IFT80: variants seen among roughly 807,000 people sequenced by gnomAD.
The protein encoded by IFT80 is intraflagellar transport protein 80 homolog.
IFT80 carries 79 observed loss-of-function variants against 107.9 expected under a neutral mutation model. The observed-to-expected ratio is 0.73, with a 90% confidence interval of 0.61 to 0.88. The LOEUF (loss-of-function observed/expected upper bound fraction) is 0.88, where lower values mean the gene tolerates loss of function less well. Ranked by LOEUF, IFT80 falls within the 40% of genes least tolerant of loss-of-function variation. IFT80 has a pLI of 0.00. For missense variants in IFT80, 797 were observed against 914.2 expected (o/e 0.87, Z 1.65); for synonymous variants, 299 against 300.9 (o/e 0.99, Z 0.07).
chr3:160,368,707 C>A (rs550139446), intron 5 of IFT80, among the ~76,000 whole-genome samples: 1 of 151,864 alleles, frequency 6.6e-6, no homozygotes, highest in African/African-American at 2.4e-5. Flanking sequence ...AAAGGAGTGA[C>A]AGGGACTTAC....
At chr3:160,342,960 C>T (rs6792612) in intron 8 of IFT80, 80,089 of 155,266 alleles carry the variant, frequency 0.52, 21,259 homozygotes, top group African/African-American at 0.55. Flanking sequence ...AGCAATCTTC[C>T]TGCTAAGGCC....
In IFT80 at chr3:160,306,106, T is replaced by A. The variant is rs542160176; in HGVS notation, c.1076+1557A>T. The stretch of plus-strand genomic sequence containing the variant: ...GGTATTAATATTTTGTACCTTAATA[T>A]GTGTACCTTAATAATCTTGACATCA... On this transcript the variant is annotated intron_variant, in intron 10 of 19. Coordinates refer to ENST00000326448, the MANE Select transcript of IFT80 (RefSeq NM_020800.3). 1.2e-4 allele frequency among the ~76,000 whole-genome samples: 18 copies of A among 152,276 alleles called. No homozygotes were observed. The South Asian group carries it at 3.5e-3, about 30-fold the overall frequency.
At chr3:160,363,199 T>C (rs1309059338) in intron 6 of IFT80, among the ~76,000 whole-genome samples, 3 of 152,050 alleles carry the variant, frequency 2.0e-5, no homozygotes, top group Non-Finnish European at 2.9e-5. Flanking sequence ...TATGCAAAAA[T>C]CACAACCATT....
intron 8 of IFT80, among the ~76,000 whole-genome samples, chr3:160,352,415 T>C (rs1215349403): frequency 6.6e-6 from 1 of 152,238 alleles, no homozygotes; most frequent in East Asian, 1.9e-4. Context: ...ACCTGCGTTA[T>C]AGTTTGCTAT....
intron 9 of IFT80, among the ~76,000 whole-genome samples, chr3:160,318,510 T>C (rs993082727): frequency 6.6e-6 from 1 of 152,018 alleles, no homozygotes. Context: ...CTTGTACCTT[T>C]CTTCAACTAA....
At chr3:160,379,543 G>GA (rs1712303433) in intron 3 of IFT80, among the ~76,000 whole-genome samples, 1 of 152,102 alleles carries the variant, frequency 6.6e-6, no homozygotes, top group Non-Finnish European at 1.5e-5. Context: ...ACATCTTTCA[G>GA]AAAAAGGGTG....
chr3:160,285,721 C>A, intron 13 of IFT80, 83 bp downstream of exon 13: 2 of 920,248 alleles, frequency 2.2e-6, no homozygotes, highest in South Asian at 1.5e-5. Context: ...CCTTTGTGTC[C>A]TCTTTAAAAT....
chr3:160,377,297 T>C (rs1214596470), intron 4 of IFT80, 133 bp downstream of exon 4: 3 of 645,966 alleles, frequency 4.6e-6, no homozygotes, highest in African/African-American at 3.7e-5. Flanking sequence ...TATATAGCAG[T>C]GTAGAACAAT....
chr3:160,328,172 A>G (rs1401728068), intron 8 of IFT80, among the ~76,000 whole-genome samples: 1 of 152,116 alleles, frequency 6.6e-6, no homozygotes, highest in Non-Finnish European at 1.5e-5. Context: ...GCTATTACTA[A>G]AAAGTCTGGC....
chr3:160,358,489 C>T (rs1721262876), intron 6 of IFT80, among the ~76,000 whole-genome samples: 1 of 152,160 alleles, frequency 6.6e-6, no homozygotes, highest in Non-Finnish European at 1.5e-5. Context: ...AAGATGTTTT[C>T]CATAGATAAG....
Position 160,280,647 on chromosome 3 carries a change from T to C in IFT80, c.1664+20A>G. 6.2e-7 allele frequency: 1 copy of C among 1,600,142 alleles called. No homozygotes were observed. Among genetic ancestry groups the C allele is most frequent in the South Asian group, 1.1e-5 (1 of 90,746 alleles). ...AGTTTTATTTACTACAAAACAGAAT[T>C]ATACGCAGTAAAATGTTACCTTGCA... On this transcript the variant is annotated intron_variant, in intron 15 of 19. Coordinates refer to ENST00000326448, the MANE Select transcript of IFT80 (RefSeq NM_020800.3).
In IFT80 at chr3:160,280,673, T is replaced by G. The variant is rs748884261; in HGVS notation, c.1658A>C (p.Asp553Ala). ...DILPKTLYER[D>A]ASEFSKNPHI... ...ATACGCAGTAAAATGTTACCTTGCATCCCTTTCATATAATGTTTTAGGCAA... is the reference window on the plus strand; with the variant it reads ...ATACGCAGTAAAATGTTACCTTGCAGCCCTTTCATATAATGTTTTAGGCAA... Residue 553 changes from aspartate to alanine, a missense_variant, in exon 15 of 20, where the codon GAT becomes GCT. Coordinates refer to ENST00000326448, the MANE Select transcript of IFT80 (RefSeq NM_020800.3). 6.2e-7 allele frequency: 1 copy of G among 1,611,458 alleles called. No individual in the cohort carries two copies. The highest frequency in any genetic ancestry group is 1.7e-5 in the Admixed American group (1 of 59,974).
At chr3:160,394,089 A>G (rs1713590869) in intron 1 of IFT80, 1 of 152,262 alleles carries the variant, frequency 6.6e-6, no homozygotes, top group Admixed American at 6.5e-5. Flanking sequence ...TGGTGCCATC[A>G]CAGAACTTGC....
chr3:160,327,981 C>A (rs56119270), intron 8 of IFT80, among the ~76,000 whole-genome samples: 13 of 151,920 alleles, frequency 8.6e-5, no homozygotes, highest in Non-Finnish European at 1.8e-4. Context: ...GGAACTTAAA[C>A]AAATTTACAA....
At chr3:160,347,279 T>C (rs1198264553) in intron 8 of IFT80, among the ~76,000 whole-genome samples, 1 of 152,038 alleles carries the variant, frequency 6.6e-6, no homozygotes. Flanking sequence ...AATTTAGCAG[T>C]ATTTTTTTTT....
intron 12 of IFT80, among the ~76,000 whole-genome samples, chr3:160,290,815 G>A (rs1290639779): frequency 2.0e-5 from 3 of 152,004 alleles, no homozygotes; most frequent in African/African-American, 4.8e-5. Flanking sequence ...CACCTGCCTC[G>A]GCTTCCCAAA....
chr3:160,282,912 G>C (rs898520531), intron 13 of IFT80, among the ~76,000 whole-genome samples: 2 of 152,050 alleles, frequency 1.3e-5, no homozygotes, highest in Non-Finnish European at 2.9e-5. Context: ...CCTACCTTTC[G>C]TAGTCAAGGT....
intron 8 of IFT80, among the ~76,000 whole-genome samples, chr3:160,335,449 T>C (rs138206204): frequency 0.014 from 2,177 of 152,124 alleles, 50 homozygotes; most frequent in African/African-American, 0.045. Context: ...CTCAAACTCC[T>C]GACCTGAGGT....
chr3:160,349,179 T>C (rs1209142933), intron 8 of IFT80, among the ~76,000 whole-genome samples: 1 of 152,076 alleles, frequency 6.6e-6, no homozygotes, highest in Non-Finnish European at 1.5e-5. Flanking sequence ...CTGGGCACCA[T>C]GGCTCACCCT....
Sources: gnomAD v4.1 joint callset for allele counts (sites outside exome capture counted in the v4.1 genomes callset) on GRCh38, gnomAD v4.1.1 for gene constraint, MANE v1.5 for transcripts, NCBI Gene and HGNC (gene_info 2026-07-23, HGNC 2026-07-21) for gene names.